DNAH7: variants seen among roughly 807,000 people sequenced by gnomAD.
DNAH7 encodes the protein axonemal beta dynein heavy chain 7.
In DNAH7, 397 loss-of-function variants were observed where a neutral mutation model predicts 444.6. The ratio of observed to expected loss-of-function variants is 0.89; its 90% CI spans 0.82 to 0.97. The LOEUF (loss-of-function observed/expected upper bound fraction) is 0.97. Ranked by LOEUF, DNAH7 falls within the 50% of genes least tolerant of loss-of-function variation. DNAH7 has a pLI of 0.00. For missense variants in DNAH7, 4,902 were observed against 4,800.8 expected (o/e 1.02, Z -0.62); for synonymous variants, 1,636 against 1,624.4 (o/e 1.01, Z -0.17).
intron 12 of DNAH7, among the ~76,000 whole-genome samples, chr2:195,991,086 A>C (rs1410834960): frequency 1.3e-5 from 2 of 151,210 alleles, no homozygotes; most frequent in Admixed American, 1.3e-4. Context: ...GGAACAGGTC[A>C]CCCTGTAACA....
In DNAH7 at chr2:195,936,684, T is replaced by C. The variant is rs763261092; in HGVS notation, c.3187A>G (p.Lys1063Glu). ...ILKGLNEYLE[K>E]KRLFFPRFFF... ...AATCTGGGGAAAAAGAGGCGTTTCT[T>C]TTCCAAATATTCATTAAGTCCTTTA... is the stretch of plus-strand genomic sequence containing the variant. Residue 1063 changes from lysine to glutamate, a missense_variant, in exon 20 of 65, where the codon AAG becomes GAG. Coordinates refer to ENST00000312428, the MANE Select transcript of DNAH7 (RefSeq NM_018897.3). 6.2e-7 allele frequency: 1 copy of C among 1,604,754 alleles called. No individual in the cohort carries two copies. The highest frequency in any genetic ancestry group is 2.2e-5 in the East Asian group (1 of 44,480).
chr2:195,737,762 CAT>C lies in DNAH7; in HGVS notation c.*157_*158del. On this transcript the variant is annotated 3_prime_UTR_variant, in exon 65 of 65. Transcript: ENST00000312428. The stretch of plus-strand genomic sequence containing the variant: ...CATTTCCTTACATTTAAGTATGAGT[CAT>C]ATTAAGTTTAGCTGCATTTGCTCAT... 1 of 617,278 alleles carries C rather than the reference CAT, an allele frequency of 1.6e-6. No individual in the cohort carries two copies. Among genetic ancestry groups the C allele is most frequent in the Non-Finnish European group, 2.8e-6 (1 of 357,974 alleles). 38.2% of individuals were successfully genotyped at this position (617,278 alleles called of 1,614,324 possible). A position where few individuals can be genotyped will look rare whatever the true frequency, so the allele number is the denominator to read the frequency against.
chr2:195,796,399 C>T (rs1168359858), intron 56 of DNAH7, among the ~76,000 whole-genome samples, 177 bp downstream of exon 56: 1 of 152,140 alleles, frequency 6.6e-6, no homozygotes, highest in Non-Finnish European at 1.5e-5. Context: ...TGGCTATGTG[C>T]TCGCCTCTGT....
At chr2:195,850,075 C>T (rs892962695) in intron 46 of DNAH7, among the ~76,000 whole-genome samples, 3 of 152,120 alleles carry the variant, frequency 2.0e-5, no homozygotes, top group Non-Finnish European at 4.4e-5. Context: ...GAATGCTCAG[C>T]TTAGAGTTGA....
rs771247007 is a variant in DNAH7, at chr2:195,776,002, A to G, written c.11065-19T>C. ...TTTTGTGCTGCAGAGATGAATAACA[A>G]GAAGTCAGGAGGTTAGAAATCAATT... On this transcript the variant is annotated intron_variant, in intron 59 of 64. Coordinates refer to ENST00000312428, the MANE Select transcript of DNAH7 (RefSeq NM_018897.3). The G allele has an allele frequency of 1.2e-5, 20 of 1,610,990 alleles. No individual in the cohort carries two copies. Among genetic ancestry groups the G allele is most frequent in the Non-Finnish European group, 1.7e-5 (20 of 1,179,096 alleles).
chr2:195,810,435 TCTCA>T (rs1559113184), intron 51 of DNAH7, among the ~76,000 whole-genome samples: 1 of 152,092 alleles, frequency 6.6e-6, no homozygotes, highest in Non-Finnish European at 1.5e-5. Context: ...TGAGACAGGG[TCTCA>T]CTCTGTCACC....
intron 19 of DNAH7, among the ~76,000 whole-genome samples, chr2:195,953,898 T>C (rs1419040282): frequency 6.6e-6 from 1 of 152,244 alleles, no homozygotes; most frequent in African/African-American, 2.4e-5. Context: ...TCATTAGACT[T>C]CCTAAAAGAA....
At position 195,886,237 on chromosome 2, in the gene DNAH7, C is replaced by T. The variant is rs766007100; in HGVS notation, c.5442G>A (p.Arg1814=). 2 of 1,613,202 alleles carry T rather than the reference C, an allele frequency of 1.2e-6. No homozygotes were observed. Among genetic ancestry groups the T allele is most frequent in the Admixed American group, 1.7e-5 (1 of 59,914 alleles). The change falls in exon 34 of 65, where the codon CGG becomes CGA. Residue 1814 remains arginine (R), a synonymous_variant. Transcript: ENST00000312428. ...LSPTSDTNLV[R]SLMNLIDCFM... ...AACAGTCTATTAGATTCATTAAGGA[C>T]CGGACCAAGTTTGTATCGGAAGTAG... is the stretch of plus-strand genomic sequence containing the variant.
chr2:195,759,698 A>T (rs1422981608), intron 61 of DNAH7, among the ~76,000 whole-genome samples: 1 of 152,144 alleles, frequency 6.6e-6, no homozygotes, highest in East Asian at 1.9e-4. Flanking sequence ...AAAAAATAAA[A>T]AAATTAGCTG....
At chr2:196,051,035 G>A (rs762390490) in intron 3 of DNAH7, 152 bp downstream of exon 3, 18 of 640,566 alleles carry the variant, frequency 2.8e-5, no homozygotes, top group Non-Finnish European at 4.7e-5. Flanking sequence ...TACTAAGATA[G>A]TTATTTGTCC....
In DNAH7 at chr2:195,974,275, C is replaced by T. The variant is rs1423146781; in HGVS notation, c.1834-1809G>A. 2.0e-5 allele frequency among the ~76,000 whole-genome samples: 3 copies of T among 152,144 alleles called. 1 individual carries two copies. The highest frequency in any genetic ancestry group is 2.0e-4 in the Admixed American group (3 of 15,274). On this transcript the variant is annotated intron_variant, in intron 15 of 64. Transcript: ENST00000312428. The stretch of plus-strand genomic sequence containing the variant: ...GTGGTTTCCACAAGTAACAAAATGT[C>T]TAACTGAAAATATATTTTTGATAAT...
At chr2:195,932,258 C>T (rs572898740) in intron 21 of DNAH7, among the ~76,000 whole-genome samples, 29 of 152,206 alleles carry the variant, frequency 1.9e-4, no homozygotes, top group African/African-American at 6.3e-4. Context: ...GTGATTTTTG[C>T]ACATTGATTT....
Position 195,737,827 on chromosome 2 carries a change from T to TAAAC in DNAH7, c.*90_*93dup, listed in dbSNP as rs935635148. On this transcript the variant is annotated 3_prime_UTR_variant, in exon 65 of 65. Transcript: ENST00000312428. Reference sequence around the variant, plus strand: ...AATTATAACTTTAGTCAAATGTATTTAAACAAACAAAAAAAAAGGTTTAAG... The same window carrying TAAAC: ...AATTATAACTTTAGTCAAATGTATTTAAACAAACAAACAAAAAAAAAGGTTTAAG... 4.8e-5 allele frequency: 56 copies of TAAAC among 1,171,540 alleles called. No individual in the cohort carries two copies. The highest frequency in any genetic ancestry group is 1.5e-4 in the East Asian group (6 of 39,132). The allele number at this position is 1,171,540 out of a possible 1,614,324, so 72.6% of individuals were successfully genotyped here.
rs1053777106 is a variant in DNAH7, at chr2:195,811,691, T to C, written c.9762-1820A>G. Among the ~76,000 whole-genome samples, 8 of 152,052 alleles carry C rather than the reference T, an allele frequency of 5.3e-5. No homozygotes were observed. The East Asian group carries it at 1.4e-3, about 26-fold the overall frequency. ...CAAAAATTATGGTACATTCATACAA[T>C]GGTATGTATATTGTGCAACTCCTAA... On this transcript the variant is annotated intron_variant, in intron 51 of 64. Transcript: ENST00000312428.
chr2:195,875,491 C>T lies in DNAH7; in HGVS notation c.6286+184G>A, dbSNP rs1700994675. Among the ~76,000 whole-genome samples, 3 of 152,124 alleles carry T rather than the reference C, an allele frequency of 2.0e-5. No individual in the cohort carries two copies. In the South Asian group the frequency reaches 6.2e-4, roughly 32 times the overall value. ...TGGAAGAGTTGGTGGGTGCATAGCC[C>T]ATCCAAGGTCACCCACTTTATAGAG... On this transcript the variant is annotated intron_variant, in intron 38 of 64. Transcript: ENST00000312428.
intron 19 of DNAH7, among the ~76,000 whole-genome samples, chr2:195,944,708 A>G (rs747612731): frequency 4.5e-4 from 69 of 152,168 alleles, no homozygotes; most frequent in Non-Finnish European, 8.4e-4. Flanking sequence ...ATCAGATTCT[A>G]TAACTCATTT....
intron 9 of DNAH7, among the ~76,000 whole-genome samples, chr2:196,013,733 A>G (rs1694848731): frequency 6.6e-6 from 1 of 152,234 alleles, no homozygotes; most frequent in African/African-American, 2.4e-5. Flanking sequence ...CCAATGTGTT[A>G]TTCTGCATAA....
chr2:196,023,092 C>A (rs548611305), intron 8 of DNAH7, among the ~76,000 whole-genome samples: 1 of 152,118 alleles, frequency 6.6e-6, no homozygotes, highest in African/African-American at 2.4e-5. Context: ...TGGGAGGTAA[C>A]TGGATCATGG....
chr2:195,883,878 TA>T (rs937972452), intron 35 of DNAH7, among the ~76,000 whole-genome samples: 1 of 152,198 alleles, frequency 6.6e-6, no homozygotes, highest in African/African-American at 2.4e-5. Flanking sequence ...AAGTAGTACT[TA>T]TAAAAGTGAG....
Sources: gnomAD v4.1 joint callset for allele counts (sites outside exome capture counted in the v4.1 genomes callset) on GRCh38, gnomAD v4.1.1 for gene constraint, MANE v1.5 for transcripts, NCBI Gene and HGNC (gene_info 2026-07-23, HGNC 2026-07-21) for gene names.